The following ANKS1B variants were observed in gnomAD, a reference collection of about 807,000 sequenced individuals.
The protein encoded by ANKS1B is ankyrin repeat and sterile alpha motif domain containing 1B.
ANKS1B carries 36 observed loss-of-function variants against 148.3 expected under a neutral mutation model. That is an observed-to-expected ratio of 0.24 (90% CI 0.19 to 0.32). The LOEUF (loss-of-function observed/expected upper bound fraction) is 0.32. ANKS1B is among the 10% of genes least tolerant of loss of function. The pLI is 1.00. For synonymous variants in ANKS1B, 542 were observed against 560.8 expected, an observed-to-expected ratio of 0.97 and a Z score of 0.47; for missense variants, 1,157 against 1,542.6, an observed-to-expected ratio of 0.75 and a Z score of 4.19.
chr12:99,899,236 C>T (rs551372766), intron 1 of ANKS1B, among the ~76,000 whole-genome samples: 1 of 152,292 alleles, frequency 6.6e-6, no homozygotes, highest in African/African-American at 2.4e-5. Context: ...CAAAGTCACA[C>T]AGCAAATAAG....
At chr12:99,357,990 T>A (rs1593012936) in intron 12 of ANKS1B, among the ~76,000 whole-genome samples, 1 of 152,254 alleles carries the variant, frequency 6.6e-6, no homozygotes, top group South Asian at 2.1e-4. Context: ...GAACATGTTT[T>A]TCCAATTGAA....
chr12:99,521,733 GCT>G (rs1204383402), intron 9 of ANKS1B, among the ~76,000 whole-genome samples: 17 of 145,406 alleles, frequency 1.2e-4, no homozygotes, highest in Admixed American at 1.4e-4. Context: ...TCAATCTCTC[GCT>G]CTCTCTCTCT....
At chr12:99,818,357 G>A (rs1368929168) in intron 2 of ANKS1B, among the ~76,000 whole-genome samples, 2 of 151,818 alleles carry the variant, frequency 1.3e-5, no homozygotes, top group African/African-American at 4.8e-5. Context: ...TTTTGCAGCT[G>A]TGAATTCTGC....
chr12:99,154,960 T>G (rs901725488), intron 14 of ANKS1B: 2 of 1,535,302 alleles, frequency 1.3e-6, no homozygotes, highest in Admixed American at 3.9e-5. Flanking sequence ...TGCTGCTTCC[T>G]CCTACACACC....
intron 15 of ANKS1B, among the ~76,000 whole-genome samples, chr12:99,087,398 C>T (rs940673526): frequency 2.6e-5 from 4 of 151,902 alleles, no homozygotes; most frequent in African/African-American, 9.7e-5. Context: ...CCAGCCATCT[C>T]GGAGGAAGCA....
intron 12 of ANKS1B, among the ~76,000 whole-genome samples, chr12:99,260,004 C>G (rs1258917238): frequency 6.6e-6 from 1 of 152,172 alleles, no homozygotes; most frequent in African/African-American, 2.4e-5. Context: ...AAATGTATTT[C>G]TTTGTAATAC....
intron 17 of ANKS1B, among the ~76,000 whole-genome samples, chr12:99,017,453 A>G (rs76335958): frequency 0.033 from 5,001 of 152,186 alleles, 119 homozygotes; most frequent in Non-Finnish European, 0.049. Flanking sequence ...ATTTACTCCT[A>G]TAGTTAACAT....
intron 17 of ANKS1B, among the ~76,000 whole-genome samples, chr12:99,021,708 A>T (rs1047961404): frequency 1.3e-5 from 2 of 152,220 alleles, no homozygotes; most frequent in African/African-American, 4.8e-5. Context: ...AAGTTTCTTT[A>T]AAGACACAAA....
At chr12:98,735,232 C>G (rs1382425323) in exon 10 of ANKS1B, 1 of 398,700 alleles carries the variant, frequency 2.5e-6, no homozygotes, top group African/African-American at 2.1e-5. Flanking sequence ...AAGCATTTTC[C>G]CTTGCTGTAT....
At chr12:98,743,001 A>AT (rs201865908), downstream of ANKS1B, among the ~76,000 whole-genome samples, 139 of 152,234 alleles carry the variant, frequency 9.1e-4, no homozygotes, top group Middle Eastern at 3.4e-3. Flanking sequence ...TTAGAAAGTT[A>AT]TTTTTTTTAA....
Position 99,246,351 on chromosome 12 carries a change from C to A in ANKS1B, c.2270G>T (p.Ser757Ile), listed in dbSNP as rs1392219658. Residue 757 changes from serine to isoleucine, a missense_variant, in exon 13 of 27, where the codon AGT (serine) becomes ATT (isoleucine). Coordinates refer to ENST00000683438, the MANE Select transcript of ANKS1B (RefSeq NM_001352186.2). The stretch of plus-strand genomic sequence containing the variant: ...ACTGTGTTCAGCAGTGGAAGATTCA[C>A]TCCAGTTAACTCTTGATGTTTTCTC... ...SNEKTSRVNW[S>I]ESSTAEHSSK... is the part of the protein sequence containing the mutation. 8 of 1,613,376 alleles carry A rather than the reference C, an allele frequency of 5.0e-6. No individual in the cohort carries two copies. The highest frequency in any genetic ancestry group is 1.3e-5 in the African/African-American group (1 of 74,894).
chr12:99,650,600 C>T (rs2098412994), intron 9 of ANKS1B, among the ~76,000 whole-genome samples: 1 of 152,064 alleles, frequency 6.6e-6, no homozygotes, highest in Admixed American at 6.5e-5. Context: ...CAGTATCTTC[C>T]AAGAATTTTA....
chr12:99,472,532 T>C (rs1391858571), intron 10 of ANKS1B, among the ~76,000 whole-genome samples: 1 of 152,150 alleles, frequency 6.6e-6, no homozygotes, highest in Non-Finnish European at 1.5e-5. Context: ...TAACAAAAAT[T>C]GGATGTTTTG....
chr12:99,267,687 T>A (rs879335243), intron 12 of ANKS1B, among the ~76,000 whole-genome samples: 7 of 152,158 alleles, frequency 4.6e-5, no homozygotes, highest in Non-Finnish European at 8.8e-5. Flanking sequence ...TTATAAAACA[T>A]ACAACCAGAC....
At chr12:99,660,551 T>G (rs971831166) in intron 8 of ANKS1B, among the ~76,000 whole-genome samples, 1 of 151,728 alleles carries the variant, frequency 6.6e-6, no homozygotes, top group Non-Finnish European at 1.5e-5. Context: ...TTAGTAGAGA[T>G]GGGGTTTCAC....
chr12:99,764,192 AC>A (rs1360349935), intron 8 of ANKS1B, among the ~76,000 whole-genome samples: 1 of 152,226 alleles, frequency 6.6e-6, no homozygotes, highest in African/African-American at 2.4e-5. Flanking sequence ...AAGGACAAAT[AC>A]ATGCACACAC....
chr12:99,677,952 A>C (rs957991689), intron 8 of ANKS1B, among the ~76,000 whole-genome samples: 7 of 152,218 alleles, frequency 4.6e-5, no homozygotes, highest in African/African-American at 1.7e-4. Context: ...CAGCATGGAC[A>C]ACAGAGCAAG....
chr12:99,735,127 A>G (rs1263263948), intron 8 of ANKS1B, among the ~76,000 whole-genome samples: 4 of 152,214 alleles, frequency 2.6e-5, no homozygotes, highest in Non-Finnish European at 1.5e-5. Context: ...GTCTTCTAAG[A>G]TGGAAGTTGA....
chr12:99,547,796 T>G (rs1421341138), intron 9 of ANKS1B, among the ~76,000 whole-genome samples: 1 of 152,200 alleles, frequency 6.6e-6, no homozygotes, highest in African/African-American at 2.4e-5. Context: ...CAGGTATGTT[T>G]TATTTTCTTT....
Sources: allele counts gnomAD v4.1 joint callset (sites outside exome capture counted in the v4.1 genomes callset), GRCh38; gene constraint gnomAD v4.1.1; transcripts MANE v1.5; gene names NCBI Gene and HGNC (gene_info 2026-07-23, HGNC 2026-07-21).